The following MACF1 variants were observed in gnomAD, a reference collection of about 807,000 sequenced individuals.
MACF1 encodes the protein microtubule actin crosslinking factor 1.
In MACF1, 193 loss-of-function variants were observed where a neutral mutation model predicts 854.8. The ratio of observed to expected loss-of-function variants is 0.23; its 90% CI spans 0.20 to 0.25. MACF1 has a LOEUF of 0.25. Ranked by LOEUF, MACF1 falls within the 10% of genes least tolerant of loss-of-function variation. MACF1 has a pLI of 1.00. For synonymous variants in MACF1, 3,185 were observed against 3,226.7 expected (o/e 0.99, Z 0.44); for missense variants, 7,722 against 8,929.1 (o/e 0.86, Z 5.45).
At chr1:39,376,829 C>T (rs996535917) in intron 52 of MACF1, among the ~76,000 whole-genome samples, 12 of 151,974 alleles carry the variant, frequency 7.9e-5, no homozygotes, top group African/African-American at 2.9e-4. Context: ...AATCAGCCCA[C>T]CTCAAGCTCC....
intron 2 of MACF1, among the ~76,000 whole-genome samples, chr1:39,092,960 T>C (rs982494005): frequency 1.3e-5 from 2 of 151,936 alleles, no homozygotes; most frequent in African/African-American, 4.8e-5. Flanking sequence ...TTTTTTTGTA[T>C]TTTTTAGTAG....
Position 39,332,848 on chromosome 1 carries a change from A to G in MACF1, c.6260A>G (p.Glu2087Gly), listed in dbSNP as rs992691528. Residue 2087 changes from glutamate to glycine, a missense_variant, in exon 37 of 101, where the codon GAG becomes GGG. Glu to Gly is a moderately conservative substitution (Grantham distance 98). Transcript: ENST00000564288. ...CAGGATCTGTTTGTAGAACAAAAAG[A>G]GAGAAATCCAAACATTGATGCTTTG... ...PEQDLFVEQK[E>G]RNPNIDALKV... The G allele has an allele frequency of 1.9e-6, 3 of 1,614,118 alleles. No homozygotes were observed. The highest frequency in any genetic ancestry group is 8.5e-7 in the Non-Finnish European group (1 of 1,179,988).
At chr1:39,113,038 G>A (rs1033643633) in intron 2 of MACF1, among the ~76,000 whole-genome samples, 10 of 151,700 alleles carry the variant, frequency 6.6e-5, no homozygotes, top group Admixed American at 2.6e-4. Context: ...CAATTACAAT[G>A]CGGCTTCCCA....
At chr1:39,205,235 C>T (rs971149966) in intron 1 of MACF1, 104 bp downstream of exon 1, 47 of 669,110 alleles carry the variant, frequency 7.0e-5, no homozygotes, top group Non-Finnish European at 8.1e-5. Context: ...AGGGCCAGTA[C>T]GTCCTTCAGC....
At chr1:39,196,329 T>A (rs1439018299) in intron 2 of MACF1, among the ~76,000 whole-genome samples, 7 of 152,236 alleles carry the variant, frequency 4.6e-5, no homozygotes, top group Admixed American at 4.6e-4. Context: ...GTATGTAGAA[T>A]GTTCTTTGTA....
At chr1:39,208,441 T>A (rs1436599914) in intron 1 of MACF1, among the ~76,000 whole-genome samples, 3 of 151,932 alleles carry the variant, frequency 2.0e-5, no homozygotes, top group Non-Finnish European at 2.9e-5. Context: ...CCTTACTAAT[T>A]AAAAACAGGG....
At chr1:39,106,972 C>A (rs1484928495) in intron 2 of MACF1, among the ~76,000 whole-genome samples, 1 of 152,090 alleles carries the variant, frequency 6.6e-6, no homozygotes, top group African/African-American at 2.4e-5. Context: ...TTCTGTCAAC[C>A]CCCTGTGGTC....
At chr1:39,477,067 A>ATATATACACACACATATATACACTTAGTG (rs1644904762) in intron 97 of MACF1, among the ~76,000 whole-genome samples, 1 of 15,450 alleles carries the variant, frequency 6.5e-5, no homozygotes, top group Non-Finnish European at 1.1e-4. Flanking sequence ...ATATATATAT[A>ATATATACACACACATATATACACTTAGTG]TATATATATA....
intron 17 of MACF1, 94 bp from the exon 18 acceptor site, chr1:39,293,364 T>C (rs934509141): frequency 9.6e-6 from 11 of 1,151,230 alleles, no homozygotes; most frequent in Non-Finnish European, 1.3e-5. Flanking sequence ...AGCAAATTAA[T>C]TTCCTGAGTT....
chr1:39,462,061 A>C (rs1431869212), intron 93 of MACF1, 24 bp downstream of exon 93: 4 of 1,611,952 alleles, frequency 2.5e-6, no homozygotes. Flanking sequence ...TTATATTTTG[A>C]GTACACTTCT....
chr1:39,302,099 TG>T (rs1646058296), intron 22 of MACF1, among the ~76,000 whole-genome samples: 1 of 152,088 alleles, frequency 6.6e-6, no homozygotes, highest in Non-Finnish European at 1.5e-5. Context: ...TGGGCTCAGG[TG>T]ACCCTCCCAC....
chr1:39,232,150 GTAT>G (rs1337149405), intron 2 of MACF1, among the ~76,000 whole-genome samples: 1 of 147,694 alleles, frequency 6.8e-6, no homozygotes, highest in Non-Finnish European at 1.5e-5. Flanking sequence ...TATTATTATG[GTAT>G]TATTATTTTA....
At chr1:39,252,240 C>T (rs1170591324) in intron 4 of MACF1, among the ~76,000 whole-genome samples, 3 of 152,114 alleles carry the variant, frequency 2.0e-5, no homozygotes, top group Non-Finnish European at 4.4e-5. Flanking sequence ...TTTCTGGTGG[C>T]CTTGCTGTGT....
At chr1:39,482,971 A>C (rs1557678108) in intron 99 of MACF1, among the ~76,000 whole-genome samples, 1 of 151,070 alleles carries the variant, frequency 6.6e-6, no homozygotes, top group Non-Finnish European at 1.5e-5. Flanking sequence ...AAAATAAGCC[A>C]GCCACTAGGG....
chr1:39,112,681 A>C (rs993611986), intron 2 of MACF1, among the ~76,000 whole-genome samples: 1 of 107,940 alleles, frequency 9.3e-6, no homozygotes, highest in African/African-American at 2.6e-5. Flanking sequence ...ACTTTATTGC[A>C]AAAAAAAGAA....
intron 6 of MACF1, among the ~76,000 whole-genome samples, chr1:39,261,902 A>G (rs536100086): frequency 6.6e-6 from 1 of 152,264 alleles, no homozygotes; most frequent in South Asian, 2.1e-4. Context: ...ATGGTGTATC[A>G]TTTTACATTC....
intron 2 of MACF1, among the ~76,000 whole-genome samples, chr1:39,182,150 T>TAA (rs35203410): frequency 3.3e-5 from 4 of 122,320 alleles, no homozygotes; most frequent in East Asian, 2.3e-4. Flanking sequence ...GACTCCACCT[T>TAA]AAAAAAAAAA....
At position 39,319,717 on chromosome 1, in the gene MACF1, A is replaced by C; in HGVS notation, c.3999A>C (p.Lys1333Asn). The change falls in exon 31 of 101, where the codon AAA (lysine) becomes AAC (asparagine). Residue 1333 changes from lysine (K) to asparagine (N), a missense_variant. Physicochemically the swap from Lys to Asn is moderately conservative, Grantham distance 94. This residue lies in a region of MACF1 where 1,137 missense variants were observed against 1,263.0 expected (regional missense o/e 0.90). Transcript: ENST00000564288. ...AGACAAAACTGGATCAATGTCAAAA[A>C]TTTTCCCAGCAGTACTCTACTATTG... ...RNQTKLDQCQKFSQQYSTIVK... is the reference protein window; with the variant it reads ...RNQTKLDQCQNFSQQYSTIVK... 6.2e-7 allele frequency: 1 copy of C among 1,613,734 alleles called. No individual in the cohort carries two copies. Among genetic ancestry groups the C allele is most frequent in the Non-Finnish European group, 8.5e-7 (1 of 1,179,804 alleles).
intron 33 of MACF1, among the ~76,000 whole-genome samples, chr1:39,323,419 G>C (rs1028331292): frequency 6.6e-6 from 1 of 150,990 alleles, no homozygotes; most frequent in African/African-American, 2.4e-5. Context: ...TTTTAAACCA[G>C]CAAAATATAT....
Sources: gnomAD v4.1 joint callset for allele counts (sites outside exome capture counted in the v4.1 genomes callset) on GRCh38, gnomAD v4.1.1 for gene constraint, gnomAD v4.1.1 regional missense constraint, MANE v1.5 for transcripts, NCBI Gene and HGNC (gene_info 2026-07-23, HGNC 2026-07-21) for gene names.